Variants in GRK3 observed in about 807,000 individuals in gnomAD.
GRK3 encodes the protein G protein-coupled receptor kinase 3.
A neutral mutation model predicts 95.7 loss-of-function variants in GRK3; 54 were observed. That is an observed-to-expected ratio of 0.56 (90% confidence interval 0.45 to 0.71). The LOEUF (loss-of-function observed/expected upper bound fraction) is 0.71. Ranked by LOEUF, GRK3 falls within the 30% of genes least tolerant of loss-of-function variation. The probability of loss-of-function intolerance (pLI) is 0.00; values close to 1 mark genes in which losing one functional copy is unlikely to be tolerated. For missense variants in GRK3, 649 were observed against 851.2 expected (o/e 0.76, Z 2.96); for synonymous variants, 281 against 290.8 (o/e 0.97, Z 0.34).
intron 2 of GRK3, among the ~76,000 whole-genome samples, chr22:25,624,070 A>G (rs1469977502): frequency 6.6e-6 from 1 of 152,200 alleles, no homozygotes; most frequent in Non-Finnish European, 1.5e-5. Context: ...TGCAGGGTGC[A>G]GTCAGCTTGT....
chr22:25,622,633 G>T (rs79867424), intron 2 of GRK3, among the ~76,000 whole-genome samples: 1 of 152,162 alleles, frequency 6.6e-6, no homozygotes. Flanking sequence ...TCTTGACCAG[G>T]CCCGATGTAT....
At chr22:25,679,468 A>G (rs1487392348) in intron 9 of GRK3, among the ~76,000 whole-genome samples, 1 of 152,148 alleles carries the variant, frequency 6.6e-6, no homozygotes, top group African/African-American at 2.4e-5. Context: ...CTTTCTTTGT[A>G]TATTAAGCTA....
At chr22:25,675,406 G>A (rs2085020334) in intron 8 of GRK3, among the ~76,000 whole-genome samples, 1 of 152,184 alleles carries the variant, frequency 6.6e-6, no homozygotes, top group African/African-American at 2.4e-5. Flanking sequence ...TCTGAGCTGG[G>A]TAGAAGGGTC....
At chr22:25,626,460 A>ACTTCATTT (rs2084629023) in intron 2 of GRK3, among the ~76,000 whole-genome samples, 1 of 152,124 alleles carries the variant, frequency 6.6e-6, no homozygotes, top group Non-Finnish European at 1.5e-5. Context: ...GATCAAGCCA[A>ACTTCATTT]CTTCATTTCC....
At chr22:25,621,150 GTAAC>G (rs542629367) in intron 2 of GRK3, among the ~76,000 whole-genome samples, 4 of 152,368 alleles carry the variant, frequency 2.6e-5, no homozygotes, top group African/African-American at 9.6e-5. Context: ...CTTTTTGTTA[GTAAC>G]TATTATCCCT....
chr22:25,645,112 C>T (rs2084771183), intron 3 of GRK3, among the ~76,000 whole-genome samples: 1 of 152,094 alleles, frequency 6.6e-6, no homozygotes, highest in Non-Finnish European at 1.5e-5. Context: ...TGCTCAAATG[C>T]ATGACTGATT....
At chr22:25,669,183 G>T (rs2084962169) in intron 6 of GRK3, among the ~76,000 whole-genome samples, 1 of 152,078 alleles carries the variant, frequency 6.6e-6, no homozygotes, top group Non-Finnish European at 1.5e-5. Context: ...ATAGGGACTG[G>T]GCACACGAAG....
chr22:25,608,709 G>A (rs1458411423), intron 2 of GRK3, among the ~76,000 whole-genome samples: 1 of 152,192 alleles, frequency 6.6e-6, no homozygotes, highest in Non-Finnish European at 1.5e-5. Context: ...ACTGGAATGG[G>A]TTTGGAGGCA....
chr22:25,593,389 A>G (rs1342010988), intron 1 of GRK3, among the ~76,000 whole-genome samples: 1 of 151,872 alleles, frequency 6.6e-6, no homozygotes, highest in Non-Finnish European at 1.5e-5. Context: ...TTTTTAAATA[A>G]TAGCCATTTG....
chr22:25,667,802 T>C lies in GRK3; in HGVS notation c.503+2T>C, dbSNP rs1041507671. 2 of 1,572,616 alleles carry C rather than the reference T, an allele frequency of 1.3e-6. No individual in the cohort carries two copies. The highest frequency in any genetic ancestry group is 1.8e-6 in the Non-Finnish European group (2 of 1,142,610). On this transcript the variant is annotated splice_donor_variant, in intron 6 of 20. Coordinates refer to ENST00000324198, the MANE Select transcript of GRK3 (RefSeq NM_005160.4). LOFTEE classifies it high-confidence loss of function. ...CATTTTTCAAAAATTTATGGAAAGG[T>C]ATGAAACTTTATGCATATATATACA...
chr22:25,687,748 G>A lies in GRK3; in HGVS notation c.957+81G>A, dbSNP rs3730113. 7.9e-4 allele frequency: 1,189 copies of A among 1,506,612 alleles called. 8 individuals are homozygous for A. The African/African-American group carries it at 0.015, about 19-fold the overall frequency. The allele number at this position is 1,506,612 out of a possible 1,614,324, so 93.3% of individuals were successfully genotyped here. A position where few individuals can be genotyped will look rare whatever the true frequency, so the allele number is the denominator to read the frequency against. On this transcript the variant is annotated intron_variant, in intron 11 of 20. Coordinates refer to ENST00000324198, the MANE Select transcript of GRK3 (RefSeq NM_005160.4). ...TAGAAGTCCCCTTCTATTTCATAGA[G>A]TCCTGTCATTTTCCTCATAGCCCTC... is the stretch of plus-strand genomic sequence containing the variant.
intron 2 of GRK3, among the ~76,000 whole-genome samples, chr22:25,642,936 T>C (rs1052677121): frequency 2.6e-5 from 4 of 152,182 alleles, no homozygotes; most frequent in African/African-American, 9.7e-5. Flanking sequence ...TTTCAATGCA[T>C]TTAAAAGCAT....
In GRK3 at chr22:25,717,916, C is replaced by T. The variant is rs548603049; in HGVS notation, c.1655-329C>T. On this transcript the variant is annotated intron_variant, in intron 18 of 20. Transcript: ENST00000324198. The stretch of plus-strand genomic sequence containing the variant: ...TTGGGGATAGCTTGACTTTAAATAC[C>T]GTCTATTCTCCGGTTCTCATTACAC... Among the ~76,000 whole-genome samples, 11 of 152,232 alleles carry T rather than the reference C, an allele frequency of 7.2e-5. No homozygotes were observed. The South Asian group carries it at 1.7e-3, about 23-fold the overall frequency.
chr22:25,577,970 T>C (rs768177207), intron 1 of GRK3, among the ~76,000 whole-genome samples: 1 of 152,240 alleles, frequency 6.6e-6, no homozygotes, highest in Non-Finnish European at 1.5e-5. Context: ...TTATTTCATA[T>C]AAACAATTAT....
chr22:25,689,524 T>C (rs1172199299), intron 11 of GRK3, among the ~76,000 whole-genome samples: 1 of 152,230 alleles, frequency 6.6e-6, no homozygotes, highest in Non-Finnish European at 1.5e-5. Context: ...ATGACTATAA[T>C]TCAATGTATA....
chr22:25,689,913 CT>C (rs2085151763), intron 11 of GRK3, among the ~76,000 whole-genome samples: 1 of 152,224 alleles, frequency 6.6e-6, no homozygotes, highest in Admixed American at 6.5e-5. Context: ...TGCTGATGAA[CT>C]GTTCCCAACA....
intron 2 of GRK3, among the ~76,000 whole-genome samples, chr22:25,639,151 A>C (rs2084725058): frequency 6.6e-6 from 1 of 152,224 alleles, no homozygotes; most frequent in South Asian, 2.1e-4. Flanking sequence ...ATTTTACCCC[A>C]GTCCATGGCT....
intron 1 of GRK3, among the ~76,000 whole-genome samples, chr22:25,589,079 T>G (rs566298788): frequency 6.6e-6 from 1 of 152,232 alleles, no homozygotes; most frequent in Non-Finnish European, 1.5e-5. Flanking sequence ...GCTTATAGTT[T>G]AGAAAACACT....
At chr22:25,714,287 C>A in intron 17 of GRK3, 121 bp from the exon 18 acceptor site, 1 of 750,212 alleles carries the variant, frequency 1.3e-6, no homozygotes, top group Non-Finnish European at 2.1e-6. Context: ...ATGATTACTG[C>A]TGCCATCTAG....
Sources: allele counts gnomAD v4.1 joint callset (sites outside exome capture counted in the v4.1 genomes callset), GRCh38; gene constraint gnomAD v4.1.1; transcripts MANE v1.5; gene names NCBI Gene and HGNC (gene_info 2026-07-23, HGNC 2026-07-21).